Variants in AGAP1 observed in about 807,000 individuals in gnomAD.
AGAP1 encodes the protein arf-GAP with GTPase, ANK repeat and PH domain-containing protein 1.
Under a neutral mutation model 105.3 loss-of-function variants are expected in AGAP1, and 29 were observed. The observed-to-expected ratio is 0.28, with a 90% CI of 0.21 to 0.38. AGAP1 has a LOEUF of 0.38. AGAP1 is among the 10% of genes least tolerant of loss of function. The probability of loss-of-function intolerance (pLI) is 1.00; values close to 1 mark genes in which losing one functional copy is unlikely to be tolerated. For missense variants in AGAP1, 998 were observed against 1,165.1 expected (o/e 0.86, Z 2.09); for synonymous variants, 509 against 485.9 (o/e 1.05, Z -0.63).
rs147889854 is a variant in AGAP1 at position 235,736,024 on chromosome 2, G to C, written c.311-4939G>C. ...CTGCTCTAAGCTGAGGATTCCAGGTGATGCTGTTTACCTCCTGTGATATCC... is the reference window on the plus strand; with the variant it reads ...CTGCTCTAAGCTGAGGATTCCAGGTCATGCTGTTTACCTCCTGTGATATCC... On this transcript the variant is annotated intron_variant, in intron 3 of 17. Transcript: ENST00000304032. This position sits in a 1 kb window ranked among gnomAD's most constrained non-coding sequence, Gnocchi z 5.5. Among the ~76,000 whole-genome samples, 966 of 152,074 alleles carry C rather than the reference G, an allele frequency of 6.4e-3. 16 individuals carry two copies. The highest frequency in any genetic ancestry group is 0.022 in the African/African-American group (920 of 41,494).
chr2:235,810,078 T>A (rs1389541641), intron 9 of AGAP1, among the ~76,000 whole-genome samples: 1 of 152,128 alleles, frequency 6.6e-6, no homozygotes, highest in Non-Finnish European at 1.5e-5. Flanking sequence ...ATGAAAAGCC[T>A]TCAGAAAGCT....
rs1214135754 is a variant in AGAP1 at position 236,083,104 on chromosome 2, G to A, written c.2114+33823G>A. 1.3e-5 allele frequency among the ~76,000 whole-genome samples: 2 copies of A among 152,020 alleles called. No individual in the cohort carries two copies. Among genetic ancestry groups the A allele is most frequent in the South Asian group, 2.1e-4 (1 of 4,820 alleles). On this transcript the variant is annotated intron_variant, in intron 16 of 17. Transcript: ENST00000304032. This position sits in a 1 kb window ranked among gnomAD's most constrained non-coding sequence, Gnocchi z 5.3. ...TGGGAGGCATAGGTTGCAGTGAGCC[G>A]AGATCACGCCATTGCACTCCAGCCT...
At chr2:236,118,303 G>A (rs1402163396) in intron 16 of AGAP1, among the ~76,000 whole-genome samples, 3 of 151,932 alleles carry the variant, frequency 2.0e-5, no homozygotes, top group African/African-American at 7.3e-5. Context: ...TGGAGAGGGC[G>A]ATTGTGAATC....
In AGAP1 at chr2:235,717,550, G is replaced by GT. The variant is rs762603180; in HGVS notation, c.223-4dup. 1 of 1,587,696 alleles carries GT rather than the reference G, an allele frequency of 6.3e-7. No homozygotes were observed. The highest frequency in any genetic ancestry group is 2.3e-5 in the East Asian group (1 of 43,656). Reference sequence around the variant, plus strand: ...TGATGCTTAACGGTTGTCCGTTTCTGTTTCAGGGAATTGTGGGTAACTTGG... The same window carrying GT: ...TGATGCTTAACGGTTGTCCGTTTCTGTTTTCAGGGAATTGTGGGTAACTTGG... On this transcript the variant is annotated splice_region_variant and splice_polypyrimidine_tract_variant and intron_variant, in intron 2 of 17. Transcript: ENST00000304032.
rs182814281 is a variant in AGAP1, at chr2:235,881,354, C to T, written c.1051-1991C>T. 1.2e-3 allele frequency among the ~76,000 whole-genome samples: 187 copies of T among 152,268 alleles called. No individual in the cohort carries two copies. In the Middle Eastern group the frequency reaches 0.014, roughly 11 times the overall value. On this transcript the variant is annotated intron_variant, in intron 9 of 17. Transcript: ENST00000304032. ...TCTGAAGGTGACTCGTGGGGCATCT[C>T]GGCTTTCTCAAAGCGTCTTCTTGTA...
At chr2:235,975,636 C>A (rs2054828766) in intron 13 of AGAP1, among the ~76,000 whole-genome samples, 1 of 152,180 alleles carries the variant, frequency 6.6e-6, no homozygotes, top group Non-Finnish European at 1.5e-5. Flanking sequence ...GAAACTGTTA[C>A]CTTCCAGGTT....
chr2:235,897,974 G>T (rs544673926), intron 10 of AGAP1, among the ~76,000 whole-genome samples: 11 of 152,280 alleles, frequency 7.2e-5, no homozygotes, highest in South Asian at 2.1e-4. Context: ...TTAAGTGCTT[G>T]TCAAAACTGA....
At chr2:235,858,985 G>T (rs2048799313) in intron 9 of AGAP1, among the ~76,000 whole-genome samples, 1 of 152,198 alleles carries the variant, frequency 6.6e-6, no homozygotes, top group Non-Finnish European at 1.5e-5. Context: ...TTAATAAATT[G>T]TCTTCTAAAT....
rs192465452 is a variant in AGAP1, at chr2:235,557,492, G to A, written c.163+62643G>A. ...TCATTCCGAAGATTCTGGCTTTTGA[G>A]AACTTATATAAAGAGAACTTATAAA... is the stretch of plus-strand genomic sequence containing the variant. On this transcript the variant is annotated intron_variant, in intron 1 of 17. Transcript: ENST00000304032. This position sits in a 1 kb window ranked among gnomAD's most constrained non-coding sequence, Gnocchi z 4.7. 1.9e-3 allele frequency among the ~76,000 whole-genome samples: 288 copies of A among 152,242 alleles called. No homozygotes were observed. The highest frequency in any genetic ancestry group is 6.8e-3 in the African/African-American group (282 of 41,536).
intron 1 of AGAP1, among the ~76,000 whole-genome samples, chr2:235,510,666 G>T (rs1429730837): frequency 6.6e-6 from 1 of 152,186 alleles, no homozygotes; most frequent in Non-Finnish European, 1.5e-5. Context: ...CCGGCAGTGT[G>T]AGAGTGTCCA....
intron 1 of AGAP1, among the ~76,000 whole-genome samples, chr2:235,580,155 A>T (rs1282943572): frequency 6.6e-6 from 1 of 152,070 alleles, no homozygotes; most frequent in Non-Finnish European, 1.5e-5. Flanking sequence ...TCATCTGTTG[A>T]TGGGCGTTTG....
At chr2:235,653,057 G>A (rs1947648350) in intron 1 of AGAP1, among the ~76,000 whole-genome samples, 1 of 152,080 alleles carries the variant, frequency 6.6e-6, no homozygotes, top group Non-Finnish European at 1.5e-5. Context: ...AGGATAAGAG[G>A]GTAGGCTTTG....
rs1418782147 is a variant in AGAP1, at chr2:235,979,024, C to G, written c.1645+10401C>G. 6.6e-6 allele frequency among the ~76,000 whole-genome samples: 1 copy of G among 151,928 alleles called. No homozygotes were observed. Among genetic ancestry groups the G allele is most frequent in the Non-Finnish European group, 1.5e-5 (1 of 68,006 alleles). ...CTCTCTTGAAATTTTTTTGGACTTA[C>G]GGACATTTAATTCAGATGCAGTGAA... On this transcript the variant is annotated intron_variant, in intron 13 of 17. Coordinates refer to ENST00000304032, the MANE Select transcript of AGAP1 (RefSeq NM_001037131.3). The surrounding 1 kb of genome is among the most constrained non-coding windows in gnomAD (Gnocchi z 4.5).
chr2:236,120,051 G>C lies in AGAP1; in HGVS notation c.2115-141G>C. On this transcript the variant is annotated intron_variant, in intron 16 of 17. Coordinates refer to ENST00000304032, the MANE Select transcript of AGAP1 (RefSeq NM_001037131.3). The surrounding 1 kb of genome is among the most constrained non-coding windows in gnomAD (Gnocchi z 6.0). ...TGAAGGTGGATAAACGTTTCCCCCA[G>C]GGGGCTTTGTGCCGAGTGAAGACCT... The C allele has an allele frequency of 8.3e-7, 1 of 1,208,408 alleles. No individual in the cohort carries two copies. Among genetic ancestry groups the C allele is most frequent in the Non-Finnish European group, 1.2e-6 (1 of 868,674 alleles). 74.9% of individuals were successfully genotyped at this position (1,208,408 alleles called of 1,614,324 possible).
Position 235,557,640 on chromosome 2 carries a change from T to A in AGAP1, c.163+62791T>A, listed in dbSNP as rs1358505375. ...TCCTTCCAGCATCCTGTCCTAGAAC[T>A]TTCCCTGCTGTCTGGATAAGGAAAC... On this transcript the variant is annotated intron_variant, in intron 1 of 17. Coordinates refer to ENST00000304032, the MANE Select transcript of AGAP1 (RefSeq NM_001037131.3). The surrounding 1 kb of genome is among the most constrained non-coding windows in gnomAD (Gnocchi z 4.7). Among the ~76,000 whole-genome samples, 8 of 152,294 alleles carry A rather than the reference T, an allele frequency of 5.3e-5. No homozygotes were observed. The highest frequency in any genetic ancestry group is 1.9e-4 in the African/African-American group (8 of 41,566).
At chr2:235,525,339 A>G (rs574383054) in intron 1 of AGAP1, among the ~76,000 whole-genome samples, 3 of 151,804 alleles carry the variant, frequency 2.0e-5, no homozygotes, top group African/African-American at 4.8e-5. Flanking sequence ...GGACTAATAC[A>G]TAATGTGGAG....
At chr2:236,041,519 C>T (rs1039196965) in intron 15 of AGAP1, among the ~76,000 whole-genome samples, 2 of 152,108 alleles carry the variant, frequency 1.3e-5, no homozygotes, top group Admixed American at 6.6e-5. Context: ...CATACTATTA[C>T]TTTCCCTTTG....
chr2:235,908,854 A>C lies in AGAP1; in HGVS notation c.1272A>C (p.Lys424Asn), dbSNP rs1331820406. Reference protein sequence around the residue: ...TSACAPISSPKTNGLSKDMSS... With the variant: ...TSACAPISSPNTNGLSKDMSS... ...CCTGCGCACCCATCTCCAGCCCTAA[A>C]ACCAATGGCCTATCCAAGGACATGA... Residue 424 changes from lysine to asparagine, a missense_variant, in exon 11 of 18, where the codon AAA becomes AAC. Physicochemically the swap from Lys to Asn is moderately conservative, Grantham distance 94. This residue lies in a region of AGAP1 where 735 missense variants were observed against 833.4 expected (regional missense o/e 0.88). Transcript: ENST00000304032. This position sits in a 1 kb window ranked among gnomAD's most constrained non-coding sequence, Gnocchi z 4.4. 6.2e-7 allele frequency: 1 copy of C among 1,614,076 alleles called. No individual in the cohort carries two copies. The highest frequency in any genetic ancestry group is 1.1e-5 in the South Asian group (1 of 91,070).
rs1204320471 is a variant in AGAP1, at chr2:235,889,111, T to G, written c.1155+5662T>G. On this transcript the variant is annotated intron_variant, in intron 10 of 17. Coordinates refer to ENST00000304032, the MANE Select transcript of AGAP1 (RefSeq NM_001037131.3). The surrounding 1 kb of genome is among the most constrained non-coding windows in gnomAD (Gnocchi z 4.6). ...CACCTTTGGACACGAACTTCAAGTA[T>G]CAGTCCCAGACAGATGTTTTCCACA... Among the ~76,000 whole-genome samples the G allele has an allele frequency of 6.6e-6, 1 of 152,206 alleles. No homozygotes were observed.
Sources: gnomAD v4.1 joint callset for allele counts (sites outside exome capture counted in the v4.1 genomes callset) on GRCh38, gnomAD v4.1.1 for gene constraint, gnomAD v4.1.1 regional missense constraint, Gnocchi (gnomAD v3.1) non-coding constraint, MANE v1.5 for transcripts, NCBI Gene and HGNC (gene_info 2026-07-23, HGNC 2026-07-21) for gene names.